Variants in MIGA1 observed in about 807,000 individuals in gnomAD.
MIGA1 encodes the protein mitoguardin 1.
A neutral mutation model predicts 82.0 loss-of-function variants in MIGA1; 58 were observed. The ratio of observed to expected loss-of-function variants is 0.71; its 90% CI spans 0.57 to 0.88. The LOEUF (loss-of-function observed/expected upper bound fraction) is 0.88. MIGA1 is among the 40% of genes least tolerant of loss of function. The pLI, the probability that MIGA1 is intolerant of heterozygous loss-of-function variation, is 0.00. For missense variants in MIGA1, 751 were observed against 749.1 expected (o/e 1.00, Z -0.03); for synonymous variants, 249 against 253.6 (o/e 0.98, Z 0.17).
At chr1:77,812,802 T>C (rs1411610024) in intron 5 of MIGA1, among the ~76,000 whole-genome samples, 1 of 152,204 alleles carries the variant, frequency 6.6e-6, no homozygotes, top group Admixed American at 6.5e-5. Flanking sequence ...AGGAAATTCC[T>C]ACTTGGACTA....
chr1:77,786,250 G>T (rs1682157464), intron 2 of MIGA1, among the ~76,000 whole-genome samples: 1 of 152,334 alleles, frequency 6.6e-6, no homozygotes, highest in Middle Eastern at 3.4e-3. Context: ...GGGGACACTG[G>T]GCCTGGCCCC....
intron 13 of MIGA1, 48 bp from the exon 14 acceptor site, chr1:77,866,290 T>G: frequency 6.6e-7 from 1 of 1,521,576 alleles, no homozygotes; most frequent in Non-Finnish European, 9.1e-7. Context: ...AAAATGGAAA[T>G]GTTTATATAG....
intron 1 of MIGA1, among the ~76,000 whole-genome samples, chr1:77,781,598 G>A (rs762481579): frequency 3.3e-5 from 5 of 152,172 alleles, no homozygotes; most frequent in Non-Finnish European, 5.9e-5. Context: ...TTATTCTCCA[G>A]AGGACCATTT....
At chr1:77,808,128 CTCT>C (rs1445501391) in intron 5 of MIGA1, among the ~76,000 whole-genome samples, 2 of 147,052 alleles carry the variant, frequency 1.4e-5, no homozygotes, top group Admixed American at 1.3e-4. Flanking sequence ...CCACCTTTCT[CTCT>C]TTTTTTTTTT....
chr1:77,828,984 T>C (rs1684136699), intron 7 of MIGA1, among the ~76,000 whole-genome samples: 1 of 152,184 alleles, frequency 6.6e-6, no homozygotes, highest in Non-Finnish European at 1.5e-5. Context: ...GTCCCAGATA[T>C]TTAATTTTAA....
intron 4 of MIGA1, among the ~76,000 whole-genome samples, chr1:77,806,422 G>A (rs1453602294): frequency 6.6e-6 from 1 of 152,166 alleles, no homozygotes; most frequent in Non-Finnish European, 1.5e-5. Flanking sequence ...CACCTAAAAG[G>A]CAAATGAAAA....
At chr1:77,786,739 A>G (rs1481830148) in intron 2 of MIGA1, among the ~76,000 whole-genome samples, 3 of 152,176 alleles carry the variant, frequency 2.0e-5, no homozygotes, top group Non-Finnish European at 2.9e-5. Context: ...TCATATCACT[A>G]TCAGCATTTT....
chr1:77,862,403 C>T (rs547008338), intron 12 of MIGA1, among the ~76,000 whole-genome samples: 141 of 144,408 alleles, frequency 9.8e-4, no homozygotes, highest in Middle Eastern at 4.5e-3. Context: ...GTCAAGATCG[C>T]GCCACTGTAC....
intron 12 of MIGA1, among the ~76,000 whole-genome samples, chr1:77,863,382 T>G (rs961575914): frequency 2.6e-5 from 4 of 152,204 alleles, no homozygotes; most frequent in African/African-American, 9.6e-5. Context: ...CACACTATAC[T>G]TTTTCCTTTA....
At chr1:77,790,934 C>G (rs1337901886) in intron 2 of MIGA1, among the ~76,000 whole-genome samples, 2 of 152,080 alleles carry the variant, frequency 1.3e-5, no homozygotes. Context: ...TGTTTTCCAT[C>G]TATAGTTTTG....
At chr1:77,873,795 T>A (rs573153593) in intron 15 of MIGA1, among the ~76,000 whole-genome samples, 54 of 152,340 alleles carry the variant, frequency 3.5e-4, no homozygotes, top group African/African-American at 1.2e-3. Flanking sequence ...ATTCATTTTT[T>A]AAAATTATGT....
chr1:77,862,414 T>C (rs1407507710), intron 12 of MIGA1, among the ~76,000 whole-genome samples: 2 of 150,070 alleles, frequency 1.3e-5, no homozygotes, highest in African/African-American at 4.9e-5. Flanking sequence ...GCCACTGTAC[T>C]CCAGCCTGGG....
At chr1:77,787,916 A>T (rs182602261) in intron 2 of MIGA1, among the ~76,000 whole-genome samples, 2 of 151,036 alleles carry the variant, frequency 1.3e-5, no homozygotes, top group African/African-American at 4.9e-5. Context: ...CCTGGGTTCA[A>T]GCAATTCTCC....
intron 8 of MIGA1, among the ~76,000 whole-genome samples, chr1:77,857,248 A>G (rs1293892046): frequency 1.3e-5 from 2 of 150,294 alleles, no homozygotes; most frequent in African/African-American, 4.9e-5. Context: ...AGTGCTTGAC[A>G]TAATTTCAGT....
chr1:77,878,899 C>A lies in MIGA1; in HGVS notation c.*3835C>A. 2.9e-6 allele frequency: 1 copy of A among 347,366 alleles called. No individual in the cohort carries two copies. The highest frequency in any genetic ancestry group is 1.5e-4 in the South Asian group (1 of 6,886). The allele number at this position is 347,366 out of a possible 1,614,324, so 21.5% of individuals were successfully genotyped here. On this transcript the variant is annotated 3_prime_UTR_variant, in exon 16 of 16. Coordinates refer to ENST00000370791, the MANE Select transcript of MIGA1 (RefSeq NM_198549.4). ...TTATTTGCATCCATTTACTATGATTCCGTTAATTTGTTGAATTAAATGCCT... is the reference window on the plus strand; with the variant it reads ...TTATTTGCATCCATTTACTATGATTACGTTAATTTGTTGAATTAAATGCCT...
chr1:77,795,842 C>G (rs1682631825), intron 2 of MIGA1, among the ~76,000 whole-genome samples: 2 of 151,670 alleles, frequency 1.3e-5, no homozygotes, highest in South Asian at 4.2e-4. Flanking sequence ...CCATGTTGGC[C>G]AGGCCAGTCT....
At chr1:77,793,436 T>G (rs1235751912) in intron 2 of MIGA1, among the ~76,000 whole-genome samples, 1 of 151,014 alleles carries the variant, frequency 6.6e-6, no homozygotes, top group African/African-American at 2.4e-5. Flanking sequence ...TCCTGAGAGG[T>G]TTTTTTTGTT....
intron 2 of MIGA1, among the ~76,000 whole-genome samples, chr1:77,786,923 G>A (rs1682187435): frequency 6.6e-6 from 1 of 152,154 alleles, no homozygotes; most frequent in Non-Finnish European, 1.5e-5. Flanking sequence ...CCAATTTACT[G>A]TATTAGTCCA....
At chr1:77,872,236 T>C (rs909115846) in intron 14 of MIGA1, among the ~76,000 whole-genome samples, 7 of 151,930 alleles carry the variant, frequency 4.6e-5, no homozygotes, top group Non-Finnish European at 8.8e-5. Context: ...CCCAAAAGTG[T>C]TGGGATTATA....
Sources: allele counts gnomAD v4.1 joint callset (sites outside exome capture counted in the v4.1 genomes callset), GRCh38; gene constraint gnomAD v4.1.1; transcripts MANE v1.5; gene names NCBI Gene and HGNC (gene_info 2026-07-23, HGNC 2026-07-21).